EIF5A2: variants seen among roughly 807,000 people sequenced by gnomAD.
EIF5A2 encodes the protein eukaryotic translation initiation factor 5A-2.
A neutral mutation model predicts 16.4 loss-of-function variants in EIF5A2; 15 were observed. The ratio of observed to expected loss-of-function variants is 0.92; its 90% CI spans 0.61 to 1.41. EIF5A2 has a LOEUF of 1.41. Ranked by LOEUF, EIF5A2 falls within the 40% of genes most tolerant of loss-of-function variation. The pLI is 0.00. For synonymous variants in EIF5A2, 48 were observed against 61.1 expected, an observed-to-expected ratio of 0.79 and a Z score of 1.00; for missense variants, 144 against 189.5, an observed-to-expected ratio of 0.76 and a Z score of 1.41.
chr3:170,896,148 T>C (rs570055246), intron 3 of EIF5A2, among the ~76,000 whole-genome samples: 3 of 152,342 alleles, frequency 2.0e-5, no homozygotes, highest in East Asian at 3.9e-4. Context: ...TTGAAAATGA[T>C]GTATGTAATG....
chr3:170,901,559 CT>C (rs1220068902), intron 3 of EIF5A2, among the ~76,000 whole-genome samples: 32 of 147,480 alleles, frequency 2.2e-4, no homozygotes, highest in Middle Eastern at 3.6e-3. Context: ...CTACAGGTGC[CT>C]TCTTTTTTTT....
intron 4 of EIF5A2, among the ~76,000 whole-genome samples, chr3:170,893,906 G>A (rs951968343): frequency 6.6e-6 from 1 of 152,004 alleles, no homozygotes; most frequent in Non-Finnish European, 1.5e-5. Flanking sequence ...GGTGGCACGC[G>A]CCTGCAATCC....
chr3:170,907,595 C>A, intron 2 of EIF5A2, 47 bp downstream of exon 2: 2 of 1,498,244 alleles, frequency 1.3e-6, no homozygotes, highest in South Asian at 2.7e-5. Flanking sequence ...TACAAATGAT[C>A]AAAGTCCCAA....
chr3:170,907,975 T>G, intron 1 of EIF5A2, 134 bp from the exon 2 acceptor site: 1 of 583,798 alleles, frequency 1.7e-6, no homozygotes, highest in Non-Finnish European at 2.7e-6. Context: ...CCTAGACTAG[T>G]GGCCACTTTC....
chr3:170,900,700 G>A (rs1183343924), intron 3 of EIF5A2, among the ~76,000 whole-genome samples: 2 of 152,190 alleles, frequency 1.3e-5, no homozygotes, highest in African/African-American at 2.4e-5. Flanking sequence ...TTTAGTGGAT[G>A]CTAGGAACCA....
intron 3 of EIF5A2, among the ~76,000 whole-genome samples, chr3:170,903,702 G>A (rs1560010932): frequency 6.6e-6 from 1 of 152,078 alleles, no homozygotes; most frequent in Non-Finnish European, 1.5e-5. Flanking sequence ...GGAATTCAAT[G>A]AACATATCTA....
intron 3 of EIF5A2, among the ~76,000 whole-genome samples, chr3:170,899,098 G>T (rs1213510987): frequency 6.6e-6 from 1 of 152,064 alleles, no homozygotes; most frequent in Admixed American, 6.5e-5. Context: ...TCCTAGTATT[G>T]TCCTGGATAG....
chr3:170,904,812 C>T (rs936534591), intron 3 of EIF5A2, among the ~76,000 whole-genome samples: 1 of 152,154 alleles, frequency 6.6e-6, no homozygotes, highest in Non-Finnish European at 1.5e-5. Context: ...CTTTCTATGC[C>T]AGGCGTTGTT....
chr3:170,906,839 A>G (rs776663605), intron 3 of EIF5A2, 150 bp downstream of exon 3: 3 of 508,054 alleles, frequency 5.9e-6, no homozygotes, highest in Non-Finnish European at 1.0e-5. Flanking sequence ...AAACATCACT[A>G]TTTCTCCAAT....
chr3:170,897,894 C>G (rs1712712729), intron 3 of EIF5A2, among the ~76,000 whole-genome samples: 1 of 152,192 alleles, frequency 6.6e-6, no homozygotes, highest in African/African-American at 2.4e-5. Context: ...GCTGCAGAGG[C>G]TGTACCCTGT....
chr3:170,894,466 C>T (rs748215557), intron 3 of EIF5A2, 43 bp from the exon 4 acceptor site: 1 of 1,591,976 alleles, frequency 6.3e-7, no homozygotes, highest in Non-Finnish European at 8.6e-7. Flanking sequence ...TAGATTATAT[C>T]CACTTCTGTG....
At chr3:170,902,608 T>C (rs1455930171) in intron 3 of EIF5A2, among the ~76,000 whole-genome samples, 1 of 110,650 alleles carries the variant, frequency 9.0e-6, no homozygotes, top group Non-Finnish European at 1.7e-5. Flanking sequence ...GAAGCCTTCC[T>C]TTTTTTTTTT....
intron 3 of EIF5A2, among the ~76,000 whole-genome samples, chr3:170,899,933 AT>A (rs34915978): frequency 0.071 from 10,304 of 145,848 alleles, 362 homozygotes; most frequent in African/African-American, 0.084. Flanking sequence ...GTTTTTGAAC[AT>A]TTTTTTTTTT....
chr3:170,893,163 A>G lies in EIF5A2; in HGVS notation c.*197T>C, dbSNP rs1028915447. 2.1e-6 allele frequency: 1 copy of G among 468,504 alleles called. No individual in the cohort carries two copies. Among genetic ancestry groups the G allele is most frequent in the African/African-American group, 2.0e-5 (1 of 49,814 alleles). 29.0% of individuals were successfully genotyped at this position (468,504 alleles called of 1,614,324 possible). On this transcript the variant is annotated 3_prime_UTR_variant, in exon 5 of 5. Coordinates refer to ENST00000295822, the MANE Select transcript of EIF5A2 (RefSeq NM_020390.6). The stretch of plus-strand genomic sequence containing the variant: ...ATATTATAGGAAACATATCTACAAA[A>G]TTCAAAAAAAATTATACATATTGAT...
At chr3:170,894,136 T>C (rs1476515030) in intron 4 of EIF5A2, among the ~76,000 whole-genome samples, 156 bp downstream of exon 4, 1 of 152,178 alleles carries the variant, frequency 6.6e-6, no homozygotes, top group Non-Finnish European at 1.5e-5. Context: ...ATAATGAGTC[T>C]CTAAGGGTTT....
At chr3:170,900,136 C>G (rs537164268) in intron 3 of EIF5A2, among the ~76,000 whole-genome samples, 141 of 151,838 alleles carry the variant, frequency 9.3e-4, no homozygotes, top group African/African-American at 3.4e-3. Context: ...TTCGGGAGGC[C>G]AAGGCAGGCG....
intron 2 of EIF5A2, 36 bp from the exon 3 acceptor site, chr3:170,907,129 G>T (rs1237417755): frequency 7.2e-7 from 1 of 1,394,116 alleles, no homozygotes; most frequent in Non-Finnish European, 1.0e-6. Context: ...TTTAATCTCT[G>T]CCAAGTATAT....
Position 170,907,022 on chromosome 3 carries a change from C to T in EIF5A2, c.237G>A (p.Met79Ile), listed in dbSNP as rs2108297129. ...CATTTCTCTTAATATTTGGAACATC[C>T]ATGTTGTGAGTAGAAGGACAAATAT... ...YEDICPSTHN[M>I]DVPNIKRNDY... Residue 79 changes from methionine (M) to isoleucine (I), a missense_variant, in exon 3 of 5, where the codon ATG (methionine) becomes ATA (isoleucine). Coordinates refer to ENST00000295822, the MANE Select transcript of EIF5A2 (RefSeq NM_020390.6). The T allele has an allele frequency of 1.2e-6, 2 of 1,611,180 alleles. No homozygotes were observed. Among genetic ancestry groups the T allele is most frequent in the East Asian group, 2.2e-5 (1 of 44,750 alleles).
Position 170,892,464 on chromosome 3 carries a change from G to T in EIF5A2, c.*896C>A. ...AAAAAAAAAAGGAAGTTGGAAAGGAGTATTTACTGATAAATATTACTATTT... is the reference window on the plus strand; with the variant it reads ...AAAAAAAAAAGGAAGTTGGAAAGGATTATTTACTGATAAATATTACTATTT... On this transcript the variant is annotated 3_prime_UTR_variant, in exon 5 of 5. Transcript: ENST00000295822. The T allele has an allele frequency of 1.4e-5, 3 of 218,532 alleles. No homozygotes were observed. The highest frequency in any genetic ancestry group is 8.7e-5 in the East Asian group (1 of 11,544). 13.5% of individuals were successfully genotyped at this position (218,532 alleles called of 1,614,324 possible). A position where few individuals can be genotyped will look rare whatever the true frequency, so the allele number is the denominator to read the frequency against.
Sources: allele counts gnomAD v4.1 joint callset (sites outside exome capture counted in the v4.1 genomes callset), GRCh38; gene constraint gnomAD v4.1.1; transcripts MANE v1.5; gene names NCBI Gene and HGNC (gene_info 2026-07-23, HGNC 2026-07-21).